OSBPL6: variants seen among roughly 807,000 people sequenced by gnomAD.
OSBPL6 encodes oxysterol-binding protein-related protein 6.
OSBPL6 carries 49 observed loss-of-function variants against 125.8 expected under a neutral mutation model. That is an observed-to-expected ratio of 0.39 (90% CI 0.31 to 0.49). OSBPL6 has a LOEUF of 0.49. Ranked by LOEUF, OSBPL6 falls within the 20% of genes least tolerant of loss-of-function variation. OSBPL6 has a pLI of 0.88. For missense variants in OSBPL6, 986 were observed against 1,135.4 expected, an observed-to-expected ratio of 0.87 and a Z score of 1.89; for synonymous variants, 394 against 391.8, an observed-to-expected ratio of 1.01 and a Z score of -0.07.
chr2:178,378,988 GC>G (rs1694149823), intron 15 of OSBPL6, among the ~76,000 whole-genome samples: 3 of 151,818 alleles, frequency 2.0e-5, no homozygotes, highest in African/African-American at 7.3e-5. Flanking sequence ...AATACAGGGA[GC>G]CCCCACCTCT....
At chr2:178,363,188 G>T (rs1692509258) in intron 13 of OSBPL6, among the ~76,000 whole-genome samples, 1 of 152,142 alleles carries the variant, frequency 6.6e-6, no homozygotes, top group Non-Finnish European at 1.5e-5. Flanking sequence ...ACAAGAAAAT[G>T]CATTTGTTTC....
At chr2:178,339,125 C>T (rs753786822) in intron 10 of OSBPL6, 31 bp downstream of exon 10, 7 of 1,399,484 alleles carry the variant, frequency 5.0e-6, no homozygotes, top group Admixed American at 1.8e-5. Context: ...GGTAAAAGGA[C>T]TTAGGGTATT....
intron 2 of OSBPL6, among the ~76,000 whole-genome samples, chr2:178,293,758 A>C (rs763101137): frequency 1.7e-4 from 26 of 151,996 alleles, no homozygotes; most frequent in Non-Finnish European, 3.1e-4. Context: ...TTTTGTACCC[A>C]TTAATCATCC....
intron 3 of OSBPL6, among the ~76,000 whole-genome samples, chr2:178,322,941 A>T (rs1688373560): frequency 6.6e-6 from 1 of 151,536 alleles, no homozygotes; most frequent in African/African-American, 2.4e-5. Flanking sequence ...AAAAACCTTT[A>T]AAAAAAATCT....
At chr2:178,386,720 CACAG>C (rs1286550430) in intron 19 of OSBPL6, among the ~76,000 whole-genome samples, 2 of 124,308 alleles carry the variant, frequency 1.6e-5, no homozygotes, top group African/African-American at 6.4e-5. Context: ...AATACACACA[CACAG>C]ACACACACAC....
chr2:178,217,182 T>C (rs2090125562), intron 1 of OSBPL6, among the ~76,000 whole-genome samples: 1 of 152,198 alleles, frequency 6.6e-6, no homozygotes. Context: ...CAGAAAGTGC[T>C]GAAGACTAAA....
chr2:178,228,521 C>A (rs1029935550), intron 1 of OSBPL6, among the ~76,000 whole-genome samples: 2 of 152,018 alleles, frequency 1.3e-5, no homozygotes, highest in Admixed American at 1.3e-4. Context: ...GGTGACAGAG[C>A]GAGACTCCAT....
In OSBPL6 at chr2:178,206,244, G is replaced by A. The variant is rs2089522010; in HGVS notation, c.-351+11570G>A. 2.0e-5 allele frequency among the ~76,000 whole-genome samples: 3 copies of A among 152,234 alleles called. No individual in the cohort carries two copies. The South Asian group carries it at 6.2e-4, about 32-fold the overall frequency. On this transcript the variant is annotated intron_variant, in intron 1 of 24. Coordinates refer to ENST00000190611, the MANE Select transcript of OSBPL6 (RefSeq NM_032523.4). ...TCTCGGGTTTATGTGTGGTGAAAAA[G>A]CTAGCATATACTGTGTCAGTACAAA...
At chr2:178,287,142 CTTT>C (rs149974443) in intron 2 of OSBPL6, among the ~76,000 whole-genome samples, 2 of 106,548 alleles carry the variant, frequency 1.9e-5, no homozygotes, top group African/African-American at 7.9e-5. Flanking sequence ...AATGGTTCTT[CTTT>C]TTTTAAAAAA....
chr2:178,324,392 CTT>C (rs1688515364), intron 4 of OSBPL6, 123 bp downstream of exon 4: 6 of 618,172 alleles, frequency 9.7e-6, no homozygotes, highest in South Asian at 2.7e-5. Flanking sequence ...GTAGGCAACT[CTT>C]TGCACTTTTT....
intron 8 of OSBPL6, among the ~76,000 whole-genome samples, chr2:178,335,767 T>C (rs1183448887): frequency 6.6e-6 from 1 of 152,244 alleles, no homozygotes; most frequent in Non-Finnish European, 1.5e-5. Context: ...AGTCTATAGA[T>C]AATAACTTTA....
rs531938492 is a variant in OSBPL6 at position 178,390,762 on chromosome 2, A to G, written c.2302-311A>G. Among the ~76,000 whole-genome samples the G allele has an allele frequency of 8.5e-5, 13 of 152,360 alleles. No individual in the cohort carries two copies. The South Asian group carries it at 2.1e-3, about 24-fold the overall frequency. Reference sequence around the variant, plus strand: ...TGAAATTTATTAAAATCCATGAGCAAGAGGAAAATTCAAAACAAGAGGAAA... The same window carrying G: ...TGAAATTTATTAAAATCCATGAGCAGGAGGAAAATTCAAAACAAGAGGAAA... On this transcript the variant is annotated intron_variant, in intron 21 of 24. Transcript: ENST00000190611.
intron 20 of OSBPL6, 114 bp from the exon 21 acceptor site, chr2:178,388,895 G>T: frequency 9.3e-7 from 1 of 1,081,062 alleles, no homozygotes; most frequent in East Asian, 2.5e-5. Flanking sequence ...AGACACAAAT[G>T]GGAGGAGAAT....
chr2:178,249,007 G>A (rs2091591526), intron 1 of OSBPL6, among the ~76,000 whole-genome samples: 1 of 152,056 alleles, frequency 6.6e-6, no homozygotes, highest in Non-Finnish European at 1.5e-5. Context: ...TGCCATCTCG[G>A]CTCACTGCAA....
chr2:178,383,871 T>A (rs572865875), intron 17 of OSBPL6, among the ~76,000 whole-genome samples, 168 bp from the exon 18 acceptor site: 2 of 152,176 alleles, frequency 1.3e-5, no homozygotes, highest in Admixed American at 1.3e-4. Flanking sequence ...TCTTACCTAT[T>A]TTTTTCCCCA....
chr2:178,386,838 G>GT (rs1202343457), intron 19 of OSBPL6, among the ~76,000 whole-genome samples: 18 of 122,058 alleles, frequency 1.5e-4, no homozygotes, highest in East Asian at 3.9e-4. Context: ...AGATAGTGGG[G>GT]GTTTTTTTTA....
At chr2:178,229,468 C>T (rs1387718934) in intron 1 of OSBPL6, among the ~76,000 whole-genome samples, 1 of 152,158 alleles carries the variant, frequency 6.6e-6, no homozygotes, top group Non-Finnish European at 1.5e-5. Context: ...GTTATCAAGG[C>T]GTGCTTCCCA....
intron 1 of OSBPL6, among the ~76,000 whole-genome samples, chr2:178,225,119 T>G (rs936391887): frequency 1.3e-5 from 2 of 151,902 alleles, no homozygotes; most frequent in African/African-American, 4.8e-5. Context: ...TTTTAGTTGC[T>G]CTAATAAGCT....
At chr2:178,298,706 G>GTTTTTTTTTTTT (rs760113201) in intron 2 of OSBPL6, among the ~76,000 whole-genome samples, 1 of 134,632 alleles carries the variant, frequency 7.4e-6, no homozygotes. Flanking sequence ...TTTTTTTTTT[G>GTTTTTTTTTTTT]TTTTTTTTTT....
Sources: allele counts gnomAD v4.1 joint callset (sites outside exome capture counted in the v4.1 genomes callset), GRCh38; gene constraint gnomAD v4.1.1; transcripts MANE v1.5; gene names NCBI Gene and HGNC (gene_info 2026-07-23, HGNC 2026-07-21).